Variants in IL2RB observed in about 807,000 individuals in gnomAD.
The protein encoded by IL2RB is interleukin-2 receptor subunit beta.
A neutral mutation model predicts 44.2 loss-of-function variants in IL2RB; 17 were observed. That is an observed-to-expected ratio of 0.38 (90% CI 0.26 to 0.58). The LOEUF (loss-of-function observed/expected upper bound fraction) is 0.58, where lower values mean the gene tolerates loss of function less well. IL2RB is among the 20% of genes least tolerant of loss of function. IL2RB has a pLI of 0.63. For missense variants in IL2RB, 624 were observed against 685.5 expected, an observed-to-expected ratio of 0.91 and a Z score of 1.00; for synonymous variants, 286 against 297.9, an observed-to-expected ratio of 0.96 and a Z score of 0.41.
upstream of IL2RB, among the ~76,000 whole-genome samples, chr22:37,150,235 T>C (rs1303830273): frequency 6.6e-6 from 1 of 151,734 alleles, no homozygotes; most frequent in East Asian, 1.9e-4. Flanking sequence ...TCACACAGGC[T>C]ACCCAACACC....
At position 37,128,772 on chromosome 22, in the gene IL2RB, A is replaced by T; in HGVS notation, c.980T>A (p.Val327Glu). ...CTGCGTCACCTTGTCCCTCTCCAGCACTTCTAGTGGCGAGATCTCAGGTGC... is the reference window on the plus strand; with the variant it reads ...CTGCGTCACCTTGTCCCTCTCCAGCTCTTCTAGTGGCGAGATCTCAGGTGC... ...GLAPEISPLE[V>E]LERDKVTQLL... Residue 327 changes from valine to glutamate, a missense_variant, in exon 10 of 10, where the codon GTG (valine) becomes GAG (glutamate). By Grantham distance (121) the Val-to-Glu change is moderately radical (BLOSUM62 -2). This residue lies in a region of IL2RB where 255 missense variants were observed against 339.9 expected (regional missense o/e 0.75). Coordinates refer to ENST00000216223, the MANE Select transcript of IL2RB (RefSeq NM_000878.5). This position sits in a 1 kb window ranked among gnomAD's most constrained non-coding sequence, Gnocchi z 4.5. The T allele has an allele frequency of 1.9e-6, 3 of 1,614,006 alleles. No homozygotes were observed. The highest frequency in any genetic ancestry group is 2.5e-6 in the Non-Finnish European group (3 of 1,179,916).
At chr22:37,157,255 C>T (rs1922712354) in intron 1 of IL2RB, among the ~76,000 whole-genome samples, 1 of 152,182 alleles carries the variant, frequency 6.6e-6, no homozygotes, top group Admixed American at 6.5e-5. Context: ...CTGCTCTTCA[C>T]TGGAGGCGCC....
chr22:37,159,544 AGAGAGAAAC>A (rs1300840824), intron 1 of IL2RB, among the ~76,000 whole-genome samples: 1 of 152,134 alleles, frequency 6.6e-6, no homozygotes, highest in East Asian at 1.9e-4. Context: ...CAACATATAT[AGAGAGAAAC>A]TGTAAAACCT....
In IL2RB at chr22:37,131,572, G is replaced by A. The variant is rs188955896; in HGVS notation, c.903+812C>T. On this transcript the variant is annotated intron_variant, in intron 9 of 9. Coordinates refer to ENST00000216223, the MANE Select transcript of IL2RB (RefSeq NM_000878.5). ...TCGGTGTTTTGTGACTCAAAGTGAC[G>A]GGAAGACTTGTTAGTATCCACGCTA... is the stretch of plus-strand genomic sequence containing the variant. Among the ~76,000 whole-genome samples, 12 of 152,298 alleles carry A rather than the reference G, an allele frequency of 7.9e-5. No individual in the cohort carries two copies. In the East Asian group the frequency reaches 1.3e-3, roughly 17 times the overall value.
rs1454737281 is a variant in IL2RB at position 37,128,390 on chromosome 22, C to T, written c.1362G>A (p.Arg454=). The change falls in exon 10 of 10, where the codon AGG becomes AGA. Residue 454 remains arginine, a synonymous_variant. Transcript: ENST00000216223. This position sits in a 1 kb window ranked among gnomAD's most constrained non-coding sequence, Gnocchi z 4.5. ...CTCTTTCTTGCAAAGAAGGGGGCAT[C>T]CTCTCTTCACCGGCCCCACTGCCCC... ...APGGSGAGEE[R]MPPSLQERVP... 20 of 1,510,040 alleles carry T rather than the reference C, an allele frequency of 1.3e-5. No homozygotes were observed. Among genetic ancestry groups the T allele is most frequent in the Middle Eastern group, 1.8e-4 (1 of 5,594 alleles). The allele number at this position is 1,510,040 out of a possible 1,614,324, so 93.5% of individuals were successfully genotyped here.
intron 1 of IL2RB, among the ~76,000 whole-genome samples, chr22:37,148,060 G>C (rs1356812516): frequency 6.6e-6 from 1 of 152,250 alleles, no homozygotes; most frequent in African/African-American, 2.4e-5. Flanking sequence ...GTGTGAGGAA[G>C]GTGCTGAGGG....
At chr22:37,134,189 C>T (rs926301229) in intron 8 of IL2RB, among the ~76,000 whole-genome samples, 2 of 152,104 alleles carry the variant, frequency 1.3e-5, no homozygotes, top group African/African-American at 4.8e-5. Flanking sequence ...TTTTAAAATA[C>T]AGCATAACAA....
intron 1 of IL2RB, among the ~76,000 whole-genome samples, chr22:37,171,214 C>T (rs1416631906): frequency 1.3e-5 from 2 of 152,134 alleles, no homozygotes; most frequent in East Asian, 1.9e-4. Context: ...AACTCCTGAC[C>T]GCAGGTGATC....
chr22:37,147,585 C>T (rs1193308217), intron 1 of IL2RB, among the ~76,000 whole-genome samples: 2 of 152,224 alleles, frequency 1.3e-5, no homozygotes, highest in Non-Finnish European at 2.9e-5. Flanking sequence ...CCTAACTTGC[C>T]CAGGGTCATA....
At chr22:37,160,296 C>T (rs1922813694) in intron 1 of IL2RB, among the ~76,000 whole-genome samples, 1 of 152,212 alleles carries the variant, frequency 6.6e-6, no homozygotes, top group African/African-American at 2.4e-5. Flanking sequence ...TGAGATTCAG[C>T]GGGGCCTCGC....
intron 4 of IL2RB, among the ~76,000 whole-genome samples, chr22:37,139,873 C>G (rs548543868): frequency 6.6e-6 from 1 of 152,206 alleles, no homozygotes; most frequent in Non-Finnish European, 1.5e-5. Flanking sequence ...AAGGGACCTG[C>G]GCCAGGTCAT....
intron 1 of IL2RB, among the ~76,000 whole-genome samples, chr22:37,148,221 C>T (rs1922319778): frequency 6.6e-6 from 1 of 152,156 alleles, no homozygotes; most frequent in South Asian, 2.1e-4. Flanking sequence ...GCAGAGTCCA[C>T]GGGAGGATGG....
intron 1 of IL2RB, among the ~76,000 whole-genome samples, chr22:37,169,148 T>C (rs1394229085): frequency 4.0e-5 from 6 of 151,104 alleles, no homozygotes; most frequent in Non-Finnish European, 5.9e-5. Context: ...ATGGATTCTG[T>C]TTACAGAGGG....
intron 1 of IL2RB, among the ~76,000 whole-genome samples, chr22:37,156,847 C>A (rs12628602): frequency 6.6e-6 from 1 of 152,216 alleles, no homozygotes; most frequent in Non-Finnish European, 1.5e-5. Context: ...CCAGGGCCAC[C>A]TCCCTTCCTG....
chr22:37,151,007 G>A (rs1351098775), upstream of IL2RB, among the ~76,000 whole-genome samples: 1 of 152,030 alleles, frequency 6.6e-6, no homozygotes, highest in African/African-American at 2.4e-5. Flanking sequence ...CCAAATCCTG[G>A]GTATTGTGAA....
intron 1 of IL2RB, among the ~76,000 whole-genome samples, chr22:37,147,978 G>A (rs928343235): frequency 6.6e-6 from 1 of 152,222 alleles, no homozygotes; most frequent in Non-Finnish European, 1.5e-5. Context: ...GTTTTGTGTG[G>A]GTGTCACCCC....
chr22:37,136,192 C>G, intron 7 of IL2RB, 36 bp downstream of exon 7: 1 of 1,584,290 alleles, frequency 6.3e-7, no homozygotes, highest in Non-Finnish European at 8.6e-7. Flanking sequence ...CCCCCTCCTG[C>G]CTGAGCCCCC....
intron 1 of IL2RB, 136 bp from the exon 2 acceptor site, chr22:37,144,341 C>T (rs1922125762): frequency 2.9e-5 from 31 of 1,080,906 alleles, no homozygotes; most frequent in Non-Finnish European, 3.6e-5. Context: ...AGCCCCAGGG[C>T]CTTTGCACCT....
chr22:37,131,237 A>G (rs1921408319), intron 9 of IL2RB, among the ~76,000 whole-genome samples: 1 of 152,222 alleles, frequency 6.6e-6, no homozygotes, highest in Non-Finnish European at 1.5e-5. Flanking sequence ...GAGTTTTCCA[A>G]GGAGTTCCAG....
Sources: allele counts gnomAD v4.1 joint callset (sites outside exome capture counted in the v4.1 genomes callset), GRCh38; gene constraint gnomAD v4.1.1; regional missense constraint gnomAD v4.1.1; non-coding constraint Gnocchi (gnomAD v3.1); transcripts MANE v1.5; gene names NCBI Gene and HGNC (gene_info 2026-07-23, HGNC 2026-07-21).